The following RRP12 variants were observed in gnomAD, a reference collection of about 807,000 sequenced individuals.
RRP12 encodes ribosomal RNA processing 12 homolog, also known as RRP12-like protein.
RRP12 carries 78 observed loss-of-function variants against 157.3 expected under a neutral mutation model. The observed-to-expected ratio is 0.50, with a 90% CI of 0.41 to 0.60. The LOEUF (loss-of-function observed/expected upper bound fraction) is 0.60, where lower values mean the gene tolerates loss of function less well. Ranked by LOEUF, RRP12 falls within the 20% of genes least tolerant of loss-of-function variation. The pLI, the probability that RRP12 is intolerant of heterozygous loss-of-function variation, is 0.00. For missense variants in RRP12, 1,521 were observed against 1,679.9 expected, an observed-to-expected ratio of 0.91 and a Z score of 1.65; for synonymous variants, 726 against 670.9, an observed-to-expected ratio of 1.08 and a Z score of -1.27.
chr10:97,387,072 A>G (rs1414190679), intron 8 of RRP12, among the ~76,000 whole-genome samples: 1 of 152,214 alleles, frequency 6.6e-6, no homozygotes, highest in East Asian at 1.9e-4. Context: ...ATGGACATAA[A>G]AATCTACCAA....
chr10:97,366,763 G>C lies in RRP12; in HGVS notation c.3194C>G (p.Pro1065Arg). The C allele has an allele frequency of 6.2e-7, 1 of 1,612,096 alleles. No individual in the cohort carries two copies. Among genetic ancestry groups the C allele is most frequent in the Non-Finnish European group, 8.5e-7 (1 of 1,179,788 alleles). Residue 1065 changes from proline (P) to arginine (R), a missense_variant, in exon 27 of 34, where the codon CCC becomes CGC. Coordinates refer to ENST00000370992, the MANE Select transcript of RRP12 (RefSeq NM_015179.4). ...EEEEEEEEEE[P>R]AQGKGDSIEE... is the part of the protein sequence containing the mutation. ...TCACCTGTCACCTTTGCCCTGGGCG[G>C]GCTCCTCCTCCTCCTCCTCCTCTTC... is the stretch of plus-strand genomic sequence containing the variant.
intron 30 of RRP12, among the ~76,000 whole-genome samples, chr10:97,361,376 G>A (rs1843837896): frequency 6.6e-6 from 1 of 152,230 alleles, no homozygotes; most frequent in African/African-American, 2.4e-5. Context: ...GGCGTGCTGT[G>A]CAGGGAGGGC....
intron 25 of RRP12, 95 bp downstream of exon 25, chr10:97,369,330 A>T (rs1416380104): frequency 2.3e-6 from 3 of 1,316,488 alleles, no homozygotes; most frequent in Non-Finnish European, 3.2e-6. Context: ...TACAAAAAAA[A>T]TAGTTTGAAA....
chr10:97,369,647 A>C (rs924254762), intron 24 of RRP12, 65 bp from the exon 25 acceptor site: 1 of 1,477,448 alleles, frequency 6.8e-7, no homozygotes, highest in South Asian at 1.3e-5. Context: ...AACCTTCCCC[A>C]CTGGAAAACA....
chr10:97,360,622 T>TAG lies in RRP12; in HGVS notation c.3568-6_3568-5dup. 6.2e-7 allele frequency: 1 copy of TAG among 1,612,986 alleles called. No individual in the cohort carries two copies. The highest frequency in any genetic ancestry group is 8.5e-7 in the Non-Finnish European group (1 of 1,179,036). On this transcript the variant is annotated splice_polypyrimidine_tract_variant and splice_region_variant and intron_variant, in intron 30 of 33. Transcript: ENST00000370992. ...GCTTGAGCTTCTGGTGCTTTTTCTA[T>TAG]AGAGAGAGAATAGGTGGGTAGTGAG...
chr10:97,386,693 A>T lies in RRP12; in HGVS notation c.1018-700T>A, dbSNP rs1185208024. The stretch of plus-strand genomic sequence containing the variant: ...AAAAATATGTATGTAAATAAACACT[A>T]CAAGAGAATATACAAGGCCGGGTGC... On this transcript the variant is annotated intron_variant, in intron 8 of 33. Coordinates refer to ENST00000370992, the MANE Select transcript of RRP12 (RefSeq NM_015179.4). Among the ~76,000 whole-genome samples, 10 of 152,134 alleles carry T rather than the reference A, an allele frequency of 6.6e-5. 1 individual carries two copies. The highest frequency in any genetic ancestry group is 1.0e-4 in the Non-Finnish European group (7 of 68,032).
At position 97,385,915 on chromosome 10, in the gene RRP12, G is replaced by A; in HGVS notation, c.1096C>T (p.Leu366Phe). The A allele has an allele frequency of 1.9e-6, 3 of 1,606,076 alleles. No individual in the cohort carries two copies. The highest frequency in any genetic ancestry group is 1.7e-6 in the Non-Finnish European group (2 of 1,176,358). ...CTCACCGTGATGATCTGGGCGTTGAGCTCTGCTGACAGGGTGCTCAGGCCA... is the reference window on the plus strand; with the variant it reads ...CTCACCGTGATGATCTGGGCGTTGAACTCTGCTGACAGGGTGCTCAGGCCA... ...RPGLSTLSAE[L>F]NAQIITALYD... Residue 366 changes from leucine to phenylalanine, a missense_variant, in exon 9 of 34, where the codon CTC becomes TTC. Coordinates refer to ENST00000370992, the MANE Select transcript of RRP12 (RefSeq NM_015179.4).
chr10:97,390,388 C>A, intron 6 of RRP12, 35 bp downstream of exon 6: 1 of 1,529,076 alleles, frequency 6.5e-7, no homozygotes, highest in Non-Finnish European at 9.1e-7. Flanking sequence ...GTGGCTGTCC[C>A]CTTGCCCCAT....
intron 6 of RRP12, 141 bp from the exon 7 acceptor site, chr10:97,388,765 AC>A: frequency 2.0e-6 from 2 of 1,016,254 alleles, no homozygotes; most frequent in South Asian, 1.7e-5. Flanking sequence ...CCAGTGCTAC[AC>A]CAGGGCCTTC....
At chr10:97,365,948 C>A in intron 29 of RRP12, 160 bp downstream of exon 29, 2 of 886,206 alleles carry the variant, frequency 2.3e-6, no homozygotes, top group Admixed American at 2.2e-5. Flanking sequence ...AAAAAGATTT[C>A]TTAATGTTTC....
rs1844876569 is a variant in RRP12, at chr10:97,393,727, A to G, written c.487T>C (p.Ser163Pro). The change falls in exon 4 of 34, where the codon TCC becomes CCC. Residue 163 changes from serine (S) to proline (P), a missense_variant. Coordinates refer to ENST00000370992, the MANE Select transcript of RRP12 (RefSeq NM_015179.4). Reference protein sequence around the residue: ...TTMEAVESPESLAAVAYLLNL... With the variant: ...TTMEAVESPEPLAAVAYLLNL... ...AGCAGGTAAGCAACGGCGGCCAGGG[A>G]CTCCGGGGACTCCACTGCTTCCATT... 6.2e-7 allele frequency: 1 copy of G among 1,613,568 alleles called. No individual in the cohort carries two copies. Among genetic ancestry groups the G allele is most frequent in the Admixed American group, 1.7e-5 (1 of 59,932 alleles).
At chr10:97,389,195 G>A (rs1336638020) in intron 6 of RRP12, among the ~76,000 whole-genome samples, 1 of 152,128 alleles carries the variant, frequency 6.6e-6, no homozygotes, top group Non-Finnish European at 1.5e-5. Flanking sequence ...CCAGGTTCAC[G>A]CCATTCTCCT....
intron 8 of RRP12, among the ~76,000 whole-genome samples, chr10:97,386,639 T>C (rs1844639002): frequency 1.3e-5 from 2 of 152,230 alleles, no homozygotes; most frequent in African/African-American, 4.8e-5. Flanking sequence ...TTTTAAACAA[T>C]GATCATATTA....
In RRP12 at chr10:97,373,564, C is replaced by T. The variant is rs1410654166; in HGVS notation, c.2026+11G>A. 7 of 1,586,568 alleles carry T rather than the reference C, an allele frequency of 4.4e-6. No homozygotes were observed. The highest frequency in any genetic ancestry group is 3.4e-5 in the South Asian group (3 of 88,170). ...TCCTCCCCAGCCCCCACTCCCACAG[C>T]CCACACGTACCTGCCTGGCAGCCCT... On this transcript the variant is annotated intron_variant, in intron 17 of 33. Transcript: ENST00000370992.
chr10:97,394,338 G>A (rs376676757), intron 3 of RRP12, among the ~76,000 whole-genome samples: 3 of 151,992 alleles, frequency 2.0e-5, no homozygotes, highest in African/African-American at 4.8e-5. Context: ...GTGAGACTCC[G>A]TCTCAAAAAA....
In RRP12 at chr10:97,379,824, A is replaced by G. The variant is rs1053445493; in HGVS notation, c.1534-54T>C. 1.5e-5 allele frequency: 23 copies of G among 1,538,526 alleles called. No individual in the cohort carries two copies. The East Asian group carries it at 4.1e-4, about 27-fold the overall frequency. ...AAGACATGCTCGAAAGCAGGGACCC[A>G]TGACAAGACCCCGCTGAACGATGAG... On this transcript the variant is annotated intron_variant, in intron 13 of 33. Transcript: ENST00000370992.
chr10:97,370,755 T>C lies in RRP12; in HGVS notation c.2544A>G (p.Ser848=). 6.2e-7 allele frequency: 1 copy of C among 1,614,162 alleles called. No individual in the cohort carries two copies. Among genetic ancestry groups the C allele is most frequent in the Non-Finnish European group, 8.5e-7 (1 of 1,180,016 alleles). Residue 848 remains serine, a synonymous_variant, in exon 22 of 34, where the codon TCA becomes TCG. Transcript: ENST00000370992. ...CAGTGATGAACTCCTTGTGTTCAGC[T>C]GAGAGCTTCCTCACGATGTGTAGGA... is the stretch of plus-strand genomic sequence containing the variant. The part of the protein sequence containing the change: ...KCLLHIVRKL[S]AEHKEFITAL...
intron 6 of RRP12, among the ~76,000 whole-genome samples, chr10:97,389,836 C>T (rs972252667): frequency 6.6e-5 from 10 of 152,096 alleles, no homozygotes; most frequent in Admixed American, 1.3e-4. Flanking sequence ...CCTCAGCCTC[C>T]CGAGTAGCTG....
Position 97,376,876 on chromosome 10 carries a change from CTTTT to C in RRP12, c.1798+2413_1798+2416del, listed in dbSNP as rs1176405129. On this transcript the variant is annotated intron_variant, in intron 15 of 33. Coordinates refer to ENST00000370992, the MANE Select transcript of RRP12 (RefSeq NM_015179.4). ...GCTCGGCAGGCCATACAATTTCTTT[CTTTT>C]CTTTTTTTTTTTTTTTTGAGACAGA... Among the ~76,000 whole-genome samples, 6 of 150,324 alleles carry C rather than the reference CTTTT, an allele frequency of 4.0e-5. No homozygotes were observed. In the East Asian group the frequency reaches 9.9e-4, roughly 25 times the overall value.
Sources: allele counts gnomAD v4.1 joint callset (sites outside exome capture counted in the v4.1 genomes callset), GRCh38; gene constraint gnomAD v4.1.1; transcripts MANE v1.5; gene names NCBI Gene and HGNC (gene_info 2026-07-23, HGNC 2026-07-21).